CELF2: variants seen among roughly 807,000 people sequenced by gnomAD.
CELF2 encodes the protein CUGBP Elav-like family member 2, also known as CUG triplet repeat RNA-binding protein 2.
Under a neutral mutation model 62.6 loss-of-function variants are expected in CELF2, and 8 were observed. The observed-to-expected ratio is 0.13, with a 90% CI of 0.07 to 0.23. The LOEUF (loss-of-function observed/expected upper bound fraction) is 0.23, where lower values mean the gene tolerates loss of function less well. CELF2 is among the 10% of genes least tolerant of loss of function. CELF2 has a pLI of 1.00. For synonymous variants in CELF2, 258 were observed against 250.0 expected, an observed-to-expected ratio of 1.03 and a Z score of -0.30; for missense variants, 333 against 671.0, an observed-to-expected ratio of 0.50 and a Z score of 5.56.
At chr10:10,727,682 A>C in the CELF2 span, among the ~76,000 whole-genome samples, 2 of 151,858 alleles carry the variant, frequency 1.3e-5, no homozygotes, top group Admixed American at 6.6e-5. Flanking sequence ...AGGCTGAGGC[A>C]GGAGAATGGC....
intron 2 of CELF2, among the ~76,000 whole-genome samples, chr10:11,184,511 T>C (rs550917802): frequency 5.3e-4 from 81 of 152,348 alleles, no homozygotes; most frequent in South Asian, 3.9e-3. Flanking sequence ...CTTAGCAATA[T>C]TGAGTCTTCA....
chr10:10,604,052 A>C, the CELF2 span, among the ~76,000 whole-genome samples: 3 of 152,086 alleles, frequency 2.0e-5, no homozygotes, highest in African/African-American at 7.2e-5. Context: ...TCTACTAATA[A>C]TACAAAAAAT....
the CELF2 span, among the ~76,000 whole-genome samples, chr10:10,515,833 G>A: frequency 5.3e-5 from 8 of 152,174 alleles, no homozygotes; most frequent in African/African-American, 9.7e-5. Context: ...ATCCTAAGAT[G>A]CACATTATTT....
the CELF2 span, among the ~76,000 whole-genome samples, chr10:10,646,839 T>C: frequency 2.0e-5 from 3 of 152,180 alleles, no homozygotes; most frequent in Non-Finnish European, 4.4e-5. Context: ...CTGCACAATT[T>C]TGTGCTAAGA....
chr10:10,605,925 C>G, the CELF2 span, among the ~76,000 whole-genome samples: 211 of 152,306 alleles, frequency 1.4e-3, no homozygotes, highest in Non-Finnish European at 2.3e-3. Context: ...AGCCAAGAAG[C>G]ATTTGCATCA....
the CELF2 span, among the ~76,000 whole-genome samples, chr10:10,495,452 T>A: frequency 6.6e-6 from 1 of 152,168 alleles, no homozygotes; most frequent in Middle Eastern, 3.2e-3. Flanking sequence ...CATTGCCCCT[T>A]TACTAGGAAC....
chr10:10,535,042 G>A, the CELF2 span, among the ~76,000 whole-genome samples: 1 of 152,156 alleles, frequency 6.6e-6, no homozygotes, highest in South Asian at 2.1e-4. Context: ...ATGTATGGAG[G>A]GATCTTAGTT....
At chr10:10,643,588 A>G in the CELF2 span, among the ~76,000 whole-genome samples, 8 of 152,264 alleles carry the variant, frequency 5.3e-5, no homozygotes, top group African/African-American at 1.9e-4. Context: ...TTTTTGAAAA[A>G]TTGGACCACA....
intron 1 of CELF2, among the ~76,000 whole-genome samples, chr10:11,121,662 T>C (rs1049285809): frequency 6.6e-6 from 1 of 152,140 alleles, no homozygotes; most frequent in Non-Finnish European, 1.5e-5. Context: ...GTTAGTGCAA[T>C]GAAGTAAGCT....
At chr10:10,625,905 A>T in the CELF2 span, among the ~76,000 whole-genome samples, 1 of 151,020 alleles carries the variant, frequency 6.6e-6, no homozygotes, top group Non-Finnish European at 1.5e-5. Flanking sequence ...TATCTATTTC[A>T]TGTGATTCTT....
At chr10:10,951,503 C>T (rs564216676) in intron 2 of CELF2, among the ~76,000 whole-genome samples, 1 of 152,284 alleles carries the variant, frequency 6.6e-6, no homozygotes, top group East Asian at 1.9e-4. Context: ...TAAAAAGTTT[C>T]TGTTTGGTGA....
At chr10:10,814,579 G>A (rs1352932164) in intron 1 of CELF2, among the ~76,000 whole-genome samples, 1 of 152,166 alleles carries the variant, frequency 6.6e-6, no homozygotes, top group Non-Finnish European at 1.5e-5. Flanking sequence ...GCCCCTCCAT[G>A]ACAGGCCATG....
In CELF2 at chr10:10,957,858, A is replaced by G. The variant is rs1352517186; in HGVS notation, c.89+37859A>G. On this transcript the variant is annotated intron_variant, in intron 2 of 13. Transcript: ENST00000636488. This position sits in a 1 kb window ranked among gnomAD's most constrained non-coding sequence, Gnocchi z 4.1. ...TGCTAAGTCTTCTTCTCACCATCCCATGGTGAGATGATATGAAACTAAGCA... is the reference window on the plus strand; with the variant it reads ...TGCTAAGTCTTCTTCTCACCATCCCGTGGTGAGATGATATGAAACTAAGCA... Among the ~76,000 whole-genome samples, 1 of 152,136 alleles carries G rather than the reference A, an allele frequency of 6.6e-6. No individual in the cohort carries two copies. The highest frequency in any genetic ancestry group is 2.4e-5 in the African/African-American group (1 of 41,436).
the CELF2 span, among the ~76,000 whole-genome samples, chr10:10,644,761 T>G: frequency 6.6e-6 from 1 of 152,108 alleles, no homozygotes; most frequent in Non-Finnish European, 1.5e-5. Flanking sequence ...TCCCCCCACG[T>G]CCTGGGCTTC....
At position 10,928,383 on chromosome 10, in the gene CELF2, C is replaced by A. The variant is rs1242547682; in HGVS notation, c.89+8384C>A. ...CTTCTATTTGAAAGCCCAGTGTCAT[C>A]TCTCTGCTCTTTTTCTCCCCTACCA... On this transcript the variant is annotated intron_variant, in intron 2 of 13. Transcript: ENST00000636488. This position sits in a 1 kb window ranked among gnomAD's most constrained non-coding sequence, Gnocchi z 4.8. Among the ~76,000 whole-genome samples the A allele has an allele frequency of 6.6e-6, 1 of 152,192 alleles. No individual in the cohort carries two copies. Among genetic ancestry groups the A allele is most frequent in the African/African-American group, 2.4e-5 (1 of 41,456 alleles).
chr10:11,240,365 G>A (rs1345489735), intron 3 of CELF2, among the ~76,000 whole-genome samples: 2 of 152,202 alleles, frequency 1.3e-5, no homozygotes, highest in Non-Finnish European at 1.5e-5. Flanking sequence ...TGCACTATCA[G>A]TTTGTGAATA....
chr10:10,616,691 CGT>C, the CELF2 span, among the ~76,000 whole-genome samples: 37,494 of 133,878 alleles, frequency 0.28, 5,356 homozygotes, highest in East Asian at 0.35. Context: ...TGTGTGTGTG[CGT>C]GTGTGTGTGT....
intron 1 of CELF2, among the ~76,000 whole-genome samples, chr10:10,918,699 A>G (rs1273085220): frequency 6.6e-6 from 1 of 152,208 alleles, no homozygotes; most frequent in Non-Finnish European, 1.5e-5. Context: ...GACACATTGG[A>G]TTCAGGAGGT....
chr10:11,199,844 A>G (rs1166455754), intron 2 of CELF2, among the ~76,000 whole-genome samples: 1 of 152,150 alleles, frequency 6.6e-6, no homozygotes, highest in Non-Finnish European at 1.5e-5. Context: ...ATAAGATAAA[A>G]CCAGTCAGAG....
Sources: allele counts gnomAD v4.1 joint callset (sites outside exome capture counted in the v4.1 genomes callset), GRCh38; gene constraint gnomAD v4.1.1; non-coding constraint Gnocchi (gnomAD v3.1); transcripts MANE v1.5; gene names NCBI Gene and HGNC (gene_info 2026-07-23, HGNC 2026-07-21).